Variants in SLC3A1 observed in about 807,000 individuals in gnomAD.
SLC3A1 encodes the protein amino acid transporter heavy chain SLC3A1.
Under a neutral mutation model 60.3 loss-of-function variants are expected in SLC3A1, and 78 were observed. That is an observed-to-expected ratio of 1.29 (90% confidence interval 1.08 to 1.56). The LOEUF (loss-of-function observed/expected upper bound fraction) is 1.56, where lower values mean the gene tolerates loss of function less well. Ranked by LOEUF, SLC3A1 falls within the 40% of genes most tolerant of loss-of-function variation. SLC3A1 has a pLI of 0.00. For synonymous variants in SLC3A1, 392 were observed against 307.9 expected (o/e 1.27, Z -2.86); for missense variants, 1,172 against 858.9 (o/e 1.36, Z -4.56).
In SLC3A1 at chr2:44,310,839, C is replaced by T. The variant is rs189011884; in HGVS notation, c.1333-1747C>T. Among the ~76,000 whole-genome samples the T allele has an allele frequency of 2.1e-3, 320 of 151,766 alleles. 7 individuals are homozygous for T. Among genetic ancestry groups the T allele is most frequent in the Admixed American group, 0.019 (291 of 15,238 alleles). On this transcript the variant is annotated intron_variant, in intron 7 of 9. Transcript: ENST00000260649. ...TTTGAGACAGGGTTTTGCTCTGTTGCCCAGGCTGGAGTGCAGTGGTGTAAA... is the reference window on the plus strand; with the variant it reads ...TTTGAGACAGGGTTTTGCTCTGTTGTCCAGGCTGGAGTGCAGTGGTGTAAA...
chr2:44,310,288 G>A (rs1672261502), intron 7 of SLC3A1, among the ~76,000 whole-genome samples: 1 of 152,188 alleles, frequency 6.6e-6, no homozygotes, highest in Non-Finnish European at 1.5e-5. Context: ...ATGTACGAAG[G>A]TTCCAATTTC....
At chr2:44,288,766 A>AT (rs1671673059) in intron 4 of SLC3A1, among the ~76,000 whole-genome samples, 1 of 152,230 alleles carries the variant, frequency 6.6e-6, no homozygotes, top group Non-Finnish European at 1.5e-5. Context: ...TTATGTGCTT[A>AT]TAGTTCATTT....
intron 7 of SLC3A1, among the ~76,000 whole-genome samples, chr2:44,306,148 G>A (rs565036336): frequency 6.6e-6 from 1 of 152,100 alleles, no homozygotes; most frequent in Non-Finnish European, 1.5e-5. Context: ...TAGAGAGAGA[G>A]TTGCCTTACA....
chr2:44,318,754 T>C (rs1264699932), intron 9 of SLC3A1: 1 of 152,040 alleles, frequency 6.6e-6, no homozygotes, highest in Non-Finnish European at 1.5e-5. Flanking sequence ...AAAAATAAAA[T>C]TACAAAAATC....
intron 7 of SLC3A1, among the ~76,000 whole-genome samples, chr2:44,305,104 G>A (rs180851301): frequency 1.3e-5 from 2 of 152,110 alleles, no homozygotes; most frequent in African/African-American, 4.8e-5. Context: ...CAAAGTGCTG[G>A]GAATACAGGC....
chr2:44,310,353 A>C (rs1672264048), intron 7 of SLC3A1, among the ~76,000 whole-genome samples: 1 of 152,214 alleles, frequency 6.6e-6, no homozygotes, highest in African/African-American at 2.4e-5. Flanking sequence ...TACTCATCAT[A>C]GTACAAATGA....
chr2:44,321,429 T>C lies in SLC3A1; in HGVS notation c.*790T>C, dbSNP rs138348037. ...AAGTCCAAGTTCCTCGTACAGGAAT[T>C]TAATTTGGGCTGTAATCTAAAAGAA... On this transcript the variant is annotated 3_prime_UTR_variant, in exon 10 of 10. Coordinates refer to ENST00000260649, the MANE Select transcript of SLC3A1 (RefSeq NM_000341.4). 7.3e-5 allele frequency: 118 copies of C among 1,612,816 alleles called. No individual in the cohort carries two copies. The African/African-American group carries it at 1.4e-3, about 19-fold the overall frequency.
intron 7 of SLC3A1, among the ~76,000 whole-genome samples, chr2:44,312,375 C>A (rs115562149): frequency 1.3e-5 from 2 of 152,228 alleles, no homozygotes; most frequent in South Asian, 2.1e-4. Context: ...ACAATAAATT[C>A]TTATCACCCT....
chr2:44,277,057 C>CTAGTAGAAGG (rs1572787076), intron 1 of SLC3A1, among the ~76,000 whole-genome samples: 1 of 149,918 alleles, frequency 6.7e-6, no homozygotes, highest in East Asian at 2.0e-4. Flanking sequence ...TCTTTAATCA[C>CTAGTAGAAGG]TAGTAGAAGG....
At chr2:44,322,378 T>G (rs1673060887), downstream of SLC3A1, among the ~76,000 whole-genome samples, 1 of 152,212 alleles carries the variant, frequency 6.6e-6, no homozygotes, top group African/African-American at 2.4e-5. Context: ...AACAAAAATC[T>G]CAGAATCTGT....
intron 9 of SLC3A1, chr2:44,319,103 C>A (rs1432269354): frequency 1.3e-5 from 2 of 152,560 alleles, no homozygotes; most frequent in African/African-American, 2.4e-5. Flanking sequence ...ATACATGTAT[C>A]ATAAATATCT....
At chr2:44,311,562 A>G (rs1170008637) in intron 7 of SLC3A1, among the ~76,000 whole-genome samples, 1 of 152,158 alleles carries the variant, frequency 6.6e-6, no homozygotes, top group African/African-American at 2.4e-5. Flanking sequence ...AAGTCTTGAG[A>G]AATCAAAGGG....
intron 4 of SLC3A1, 81 bp downstream of exon 4, chr2:44,286,238 T>C (rs1671610294): frequency 7.5e-7 from 1 of 1,338,222 alleles, no homozygotes; most frequent in Non-Finnish European, 1.1e-6. Flanking sequence ...TGCACAGTAA[T>C]TGTGTAGGCA....
intron 9 of SLC3A1, chr2:44,316,252 T>C (rs561233486): frequency 4.6e-5 from 7 of 152,280 alleles, no homozygotes; most frequent in African/African-American, 1.7e-4. Context: ...GAGAAAATTA[T>C]AGCAAACATA....
At chr2:44,312,180 TCA>T (rs1672314545) in intron 7 of SLC3A1, among the ~76,000 whole-genome samples, 2 of 152,208 alleles carry the variant, frequency 1.3e-5, no homozygotes, top group African/African-American at 4.8e-5. Flanking sequence ...TCTGAATAAT[TCA>T]TAAGTCAAAA....
chr2:44,321,225 T>C lies in SLC3A1; in HGVS notation c.*586T>C, dbSNP rs1401526090. The C allele has an allele frequency of 2.5e-6, 2 of 802,128 alleles. No homozygotes were observed. Among genetic ancestry groups the C allele is most frequent in the African/African-American group, 3.5e-5 (2 of 57,136 alleles). 49.7% of individuals were successfully genotyped at this position (802,128 alleles called of 1,614,324 possible). A position where few individuals can be genotyped will look rare whatever the true frequency, so the allele number is the denominator to read the frequency against. ...AGATGTAGACTAAGCAAAATTTAGA[T>C]GGAGAAGCACATTTTAAAAAATTAA... is the stretch of plus-strand genomic sequence containing the variant. On this transcript the variant is annotated 3_prime_UTR_variant, in exon 10 of 10. Coordinates refer to ENST00000260649, the MANE Select transcript of SLC3A1 (RefSeq NM_000341.4).
intron 7 of SLC3A1, among the ~76,000 whole-genome samples, chr2:44,307,564 ATTTTTTT>A (rs34665826): frequency 7.7e-6 from 1 of 129,644 alleles, no homozygotes; most frequent in South Asian, 2.4e-4. Context: ...ATCTCATTGC[ATTTTTTT>A]TTTTTTTTTT....
At chr2:44,279,859 G>A (rs1671452354) in intron 1 of SLC3A1, among the ~76,000 whole-genome samples, 1 of 151,826 alleles carries the variant, frequency 6.6e-6, no homozygotes, top group Non-Finnish European at 1.5e-5. Context: ...CACCATGCCC[G>A]GCCCAGTATA....
At chr2:44,317,077 A>G (rs1381913013) in intron 9 of SLC3A1, among the ~76,000 whole-genome samples, 2 of 152,196 alleles carry the variant, frequency 1.3e-5, no homozygotes, top group South Asian at 4.1e-4. Context: ...ATGAGAGAGC[A>G]GTGTTTGTTT....
Sources: allele counts gnomAD v4.1 joint callset (sites outside exome capture counted in the v4.1 genomes callset), GRCh38; gene constraint gnomAD v4.1.1; transcripts MANE v1.5; gene names NCBI Gene and HGNC (gene_info 2026-07-23, HGNC 2026-07-21).